DGKD: variants seen among roughly 807,000 people sequenced by gnomAD.
The protein encoded by DGKD is DAG kinase delta.
DGKD carries 68 observed loss-of-function variants against 154.4 expected under a neutral mutation model. The ratio of observed to expected loss-of-function variants is 0.44; its 90% CI spans 0.36 to 0.54. DGKD has a LOEUF of 0.54. DGKD is among the 20% of genes least tolerant of loss of function. The pLI is 0.00. For synonymous variants in DGKD, 693 were observed against 638.0 expected, an observed-to-expected ratio of 1.09 and a Z score of -1.30; for missense variants, 1,343 against 1,593.6, an observed-to-expected ratio of 0.84 and a Z score of 2.68.
At position 233,438,755 on chromosome 2, in the gene DGKD, C is replaced by CATCTATCT. The variant is rs3835771; in HGVS notation, c.1085+429_1085+436dup. ...ATTTTTTATTTATCTGTCTATCTAT[C>CATCTATCT]ATCTATCTATCTATCTATCTATCTA... On this transcript the variant is annotated intron_variant, in intron 9 of 29. Coordinates refer to ENST00000264057, the MANE Select transcript of DGKD (RefSeq NM_152879.3). This position sits in a 1 kb window ranked among gnomAD's most constrained non-coding sequence, Gnocchi z 4.1. Among the ~76,000 whole-genome samples, 1,542 of 132,310 alleles carry CATCTATCT rather than the reference C, an allele frequency of 0.012. 11 individuals carry two copies. The highest frequency in any genetic ancestry group is 0.02 in the African/African-American group (641 of 32,718). The allele number at this position is 132,310 out of a possible 152,430, so 86.8% of individuals were successfully genotyped here.
chr2:233,468,290 G>T, intron 28 of DGKD, 133 bp from the exon 29 acceptor site: 3 of 1,077,706 alleles, frequency 2.8e-6, no homozygotes, highest in Non-Finnish European at 4.0e-6. Context: ...CTGCTGCTGG[G>T]CTGTCTCGGG....
chr2:233,437,161 G>A (rs1333281333), intron 7 of DGKD, among the ~76,000 whole-genome samples: 1 of 152,208 alleles, frequency 6.6e-6, no homozygotes, highest in African/African-American at 2.4e-5. Context: ...GGCTCCTGCC[G>A]GGTATTTCCG....
chr2:233,447,801 G>A (rs769461056), intron 12 of DGKD: 141 of 1,208,540 alleles, frequency 1.2e-4, no homozygotes, highest in Non-Finnish European at 1.4e-4. Flanking sequence ...GGGTCAGGAC[G>A]GAAGCTCCTA....
intron 3 of DGKD, among the ~76,000 whole-genome samples, chr2:233,396,703 G>C (rs1360779829): frequency 6.6e-6 from 1 of 152,208 alleles, no homozygotes; most frequent in African/African-American, 2.4e-5. Flanking sequence ...GCATGAGCCT[G>C]AGAGGGTATG....
At position 233,449,474 on chromosome 2, in the gene DGKD, G is replaced by C; in HGVS notation, c.1888+98G>C. The C allele has an allele frequency of 5.5e-6, 8 of 1,455,926 alleles. No homozygotes were observed. The highest frequency in any genetic ancestry group is 7.3e-6 in the Non-Finnish European group (8 of 1,098,030). 90.2% of individuals were successfully genotyped at this position (1,455,926 alleles called of 1,614,324 possible). Reference sequence around the variant, plus strand: ...GAGATGACAGAAGGGTGCATGTTGAGAAAACCTCCACTGCGGCCCTCTCCA... The same window carrying C: ...GAGATGACAGAAGGGTGCATGTTGACAAAACCTCCACTGCGGCCCTCTCCA... On this transcript the variant is annotated intron_variant, in intron 15 of 29. Transcript: ENST00000264057. This position sits in a 1 kb window ranked among gnomAD's most constrained non-coding sequence, Gnocchi z 5.3.
In DGKD at chr2:233,459,425, C is replaced by T. The variant is rs548259599; in HGVS notation, c.2695-332C>T. ...CTGCTCTTTTCTAGGGGTGTTTTCA[C>T]GTGGCAGGGGCCCAGTGGCTTCTGG... is the stretch of plus-strand genomic sequence containing the variant. On this transcript the variant is annotated intron_variant, in intron 22 of 29. Transcript: ENST00000264057. The surrounding 1 kb of genome is among the most constrained non-coding windows in gnomAD (Gnocchi z 5.7). Among the ~76,000 whole-genome samples the T allele has an allele frequency of 6.6e-6, 1 of 151,964 alleles. No individual in the cohort carries two copies. Among genetic ancestry groups the T allele is most frequent in the South Asian group, 2.1e-4 (1 of 4,804 alleles).
At chr2:233,377,147 A>G (rs1702620432) in intron 1 of DGKD, among the ~76,000 whole-genome samples, 1 of 144,658 alleles carries the variant, frequency 6.9e-6, no homozygotes, top group Non-Finnish European at 1.5e-5. Flanking sequence ...CAATGGCACG[A>G]TCTCGGCTCA....
At chr2:233,461,239 C>T (rs2063629541) in intron 24 of DGKD, among the ~76,000 whole-genome samples, 1 of 152,234 alleles carries the variant, frequency 6.6e-6, no homozygotes, top group Non-Finnish European at 1.5e-5. Context: ...CCCGTGGCCG[C>T]ACGCTGGCTG....
intron 24 of DGKD, among the ~76,000 whole-genome samples, chr2:233,460,892 A>G (rs961646833): frequency 3.3e-5 from 5 of 152,070 alleles, no homozygotes; most frequent in Non-Finnish European, 7.4e-5. Context: ...ACTCTGCCTC[A>G]AAAACAAACA....
intron 1 of DGKD, among the ~76,000 whole-genome samples, chr2:233,359,395 G>A (rs182713454): frequency 9.9e-5 from 15 of 152,240 alleles, no homozygotes; most frequent in Admixed American, 6.5e-5. Context: ...TTAACTCATA[G>A]AATTAAATGG....
At chr2:233,397,586 C>CG (rs2061449777) in intron 3 of DGKD, among the ~76,000 whole-genome samples, 1 of 147,058 alleles carries the variant, frequency 6.8e-6, no homozygotes, top group Non-Finnish European at 1.5e-5. Flanking sequence ...GAGTGGCTGG[C>CG]AGAGGCCAGA....
intron 3 of DGKD, among the ~76,000 whole-genome samples, chr2:233,432,235 C>T (rs1258510340): frequency 1.0e-5 from 1 of 95,744 alleles, no homozygotes; most frequent in African/African-American, 4.1e-5. Flanking sequence ...ATTAAAAATA[C>T]AAAAAATTAG....
At chr2:233,451,503 A>C (rs1031999475) in intron 17 of DGKD, among the ~76,000 whole-genome samples, 1 of 151,840 alleles carries the variant, frequency 6.6e-6, no homozygotes, top group African/African-American at 2.4e-5. Context: ...TTAAGCCTCA[A>C]CTCTCAGAGA....
chr2:233,460,271 C>A lies in DGKD; in HGVS notation c.2907C>A (p.His969Gln). The A allele has an allele frequency of 6.2e-7, 1 of 1,614,000 alleles. No individual in the cohort carries two copies. The highest frequency in any genetic ancestry group is 8.5e-7 in the Non-Finnish European group (1 of 1,180,002). ...ELPRPPSCSL[H>Q]PEMLSEEEAT... ...CCCGCCCTCCATCCTGTTCCCTGCACCCGGAGATGCTGTCCGAGGAGGAGG... is the reference window on the plus strand; with the variant it reads ...CCCGCCCTCCATCCTGTTCCCTGCAACCGGAGATGCTGTCCGAGGAGGAGG... Residue 969 changes from histidine (H) to glutamine (Q), a missense_variant, in exon 24 of 30, where the codon CAC becomes CAA. By Grantham distance (24) the His-to-Gln change is conservative. This residue lies in a region of DGKD where 429 missense variants were observed against 496.3 expected (regional missense o/e 0.86). Coordinates refer to ENST00000264057, the MANE Select transcript of DGKD (RefSeq NM_152879.3).
intron 24 of DGKD, among the ~76,000 whole-genome samples, chr2:233,462,043 C>T (rs963227559): frequency 6.6e-6 from 1 of 152,244 alleles, no homozygotes; most frequent in Non-Finnish European, 1.5e-5. Flanking sequence ...GGCCTGTGCA[C>T]ACTGTCACTT....
In DGKD at chr2:233,441,326, C is replaced by A. The variant is rs2062879229; in HGVS notation, c.1086-561C>A. On this transcript the variant is annotated intron_variant, in intron 9 of 29. Coordinates refer to ENST00000264057, the MANE Select transcript of DGKD (RefSeq NM_152879.3). The surrounding 1 kb of genome is among the most constrained non-coding windows in gnomAD (Gnocchi z 5.6). ...GCATATGTGCTGCAGTGGGGACACG[C>A]AGCCCGCAGCAGGTCAGGCAGCCTG... Among the ~76,000 whole-genome samples the A allele has an allele frequency of 6.6e-6, 1 of 152,170 alleles. No homozygotes were observed. The highest frequency in any genetic ancestry group is 2.1e-4 in the South Asian group (1 of 4,832).
At chr2:233,454,313 A>C in intron 18 of DGKD, 1 of 458,130 alleles carries the variant, frequency 2.2e-6, no homozygotes, top group Admixed American at 2.5e-5. Context: ...GCGCTAACAC[A>C]TGTTATAACA....
rs1216021251 is a variant in DGKD, at chr2:233,354,543, C to G, written c.25C>G (p.Pro9Ala). The G allele has an allele frequency of 8.0e-6, 8 of 1,004,962 alleles. 1 individual carries two copies. The highest frequency in any genetic ancestry group is 7.1e-6 in the Non-Finnish European group (6 of 844,120). 62.3% of individuals were successfully genotyped at this position (1,004,962 alleles called of 1,614,324 possible). MAAAAGAP[P>A]PGPPQPPPPP... ...CATGGCGGCGGCGGCGGGCGCCCCTCCGCCGGGTCCCCCGCAACCGCCTCC... is the reference window on the plus strand; with the variant it reads ...CATGGCGGCGGCGGCGGGCGCCCCTGCGCCGGGTCCCCCGCAACCGCCTCC... Residue 9 changes from proline (P) to alanine (A), a missense_variant, in exon 1 of 30, where the codon CCG becomes GCG. This residue lies in a region of DGKD where 57 missense variants were observed against 27.8 expected (regional missense o/e 2.05). Transcript: ENST00000264057. The surrounding 1 kb of genome is among the most constrained non-coding windows in gnomAD (Gnocchi z 4.8).
intron 3 of DGKD, among the ~76,000 whole-genome samples, chr2:233,422,177 G>A (rs1484738763): frequency 6.6e-6 from 1 of 152,228 alleles, no homozygotes; most frequent in Admixed American, 6.5e-5. Context: ...CGTAGTGGGT[G>A]CTGGGCTGGC....
Sources: allele counts gnomAD v4.1 joint callset (sites outside exome capture counted in the v4.1 genomes callset), GRCh38; gene constraint gnomAD v4.1.1; regional missense constraint gnomAD v4.1.1; non-coding constraint Gnocchi (gnomAD v3.1); transcripts MANE v1.5; gene names NCBI Gene and HGNC (gene_info 2026-07-23, HGNC 2026-07-21).